The following EFCAB13 variants were observed in gnomAD, a reference collection of about 807,000 sequenced individuals.
EFCAB13 encodes the protein EF-hand calcium-binding domain-containing protein 13.
A neutral mutation model predicts 110.2 loss-of-function variants in EFCAB13; 91 were observed. That is an observed-to-expected ratio of 0.83 (90% CI 0.70 to 0.98). EFCAB13 has a LOEUF of 0.98. Ranked by LOEUF, EFCAB13 falls within the 50% of genes least tolerant of loss-of-function variation. EFCAB13 has a pLI of 0.00. For synonymous variants in EFCAB13, 323 were observed against 369.9 expected, an observed-to-expected ratio of 0.87 and a Z score of 1.45; for missense variants, 968 against 1,119.4, an observed-to-expected ratio of 0.86 and a Z score of 1.93.
chr17:47,325,575 T>C (rs953551122), intron 2 of EFCAB13, among the ~76,000 whole-genome samples: 1 of 152,148 alleles, frequency 6.6e-6, no homozygotes, highest in African/African-American at 2.4e-5. Context: ...TTCAGCCTCC[T>C]GGGGCCTTCC....
intron 23 of EFCAB13, 114 bp from the exon 24 acceptor site, chr17:47,429,704 C>G: frequency 7.6e-7 from 1 of 1,311,012 alleles, no homozygotes; most frequent in Non-Finnish European, 1.0e-6. Flanking sequence ...GTTCCATGTA[C>G]AATTCTAGAA....
intron 12 of EFCAB13, 32 bp downstream of exon 12, chr17:47,374,998 A>G: frequency 6.6e-7 from 1 of 1,523,140 alleles, no homozygotes; most frequent in East Asian, 2.3e-5. Context: ...TGAGTTCTTC[A>G]GTCATCACAG....
chr17:47,376,921 A>G (rs984535765), intron 12 of EFCAB13, among the ~76,000 whole-genome samples: 11 of 152,146 alleles, frequency 7.2e-5, no homozygotes, highest in African/African-American at 2.7e-4. Context: ...TCACAAATAA[A>G]TTCAGGTTAT....
chr17:47,368,767 T>A (rs2065563834), intron 10 of EFCAB13, among the ~76,000 whole-genome samples: 1 of 152,190 alleles, frequency 6.6e-6, no homozygotes, highest in African/African-American at 2.4e-5. Flanking sequence ...ATCTTCTAGT[T>A]CACAAAGAAG....
chr17:47,391,395 G>T (rs1207257740), intron 14 of EFCAB13, 42 bp from the exon 15 acceptor site: 2 of 1,408,620 alleles, frequency 1.4e-6, no homozygotes, highest in Non-Finnish European at 9.3e-7. Context: ...TTTTATTTTT[G>T]ACTTATATTT....
chr17:47,394,139 A>G (rs746051623), intron 16 of EFCAB13, 40 bp downstream of exon 16: 2 of 1,316,740 alleles, frequency 1.5e-6, no homozygotes, highest in South Asian at 3.3e-5. Flanking sequence ...TTGTGGACCA[A>G]ATAGTTTGAC....
intron 17 of EFCAB13, among the ~76,000 whole-genome samples, chr17:47,401,919 C>T (rs556690475): frequency 3.3e-4 from 51 of 152,264 alleles, no homozygotes; most frequent in Non-Finnish European, 5.7e-4. Context: ...GCTGGGATTA[C>T]AGGCGTGAGC....
chr17:47,407,168 T>G (rs2065809287), intron 20 of EFCAB13, among the ~76,000 whole-genome samples: 1 of 152,174 alleles, frequency 6.6e-6, no homozygotes, highest in Admixed American at 6.5e-5. Flanking sequence ...TTTACTGAAA[T>G]GGTGCGCTTA....
At position 47,440,452 on chromosome 17, in the gene EFCAB13, A is replaced by G. The variant is rs781018930; in HGVS notation, c.2660A>G (p.Gln887Arg). 13 of 1,597,418 alleles carry G rather than the reference A, an allele frequency of 8.1e-6. No homozygotes were observed. The African/African-American group carries it at 1.8e-4, about 22-fold the overall frequency. The change falls in exon 25 of 25, where the codon CAA becomes CGA. Residue 887 changes from glutamine (Q) to arginine (R), a missense_variant. Coordinates refer to ENST00000331493, the MANE Select transcript of EFCAB13 (RefSeq NM_152347.5). ...PEHESGKVSIQEFMTKLSDIL... is the reference protein window; with the variant it reads ...PEHESGKVSIREFMTKLSDIL... ...ACAGAAAGTGGCAAGGTTAGCATTC[A>G]AGAATTTATGACTAAATTATCCGAT...
intron 5 of EFCAB13, among the ~76,000 whole-genome samples, chr17:47,336,755 T>A (rs907652069): frequency 1.8e-4 from 28 of 152,236 alleles, no homozygotes; most frequent in African/African-American, 6.7e-4. Flanking sequence ...TTTGAATCTT[T>A]TAGCAGTTCT....
At chr17:47,377,616 CAG>C (rs1210473158) in intron 12 of EFCAB13, 148 bp from the exon 13 acceptor site, 7 of 543,094 alleles carry the variant, frequency 1.3e-5, no homozygotes, top group Admixed American at 3.9e-5. Flanking sequence ...GTAATATAAA[CAG>C]ATATGGAGAG....
chr17:47,389,164 C>T (rs2065692277), intron 14 of EFCAB13, among the ~76,000 whole-genome samples: 1 of 152,154 alleles, frequency 6.6e-6, no homozygotes, highest in African/African-American at 2.4e-5. Context: ...TCCCAAGTAG[C>T]TGGGATCACA....
chr17:47,419,320 G>A (rs1428388725), intron 23 of EFCAB13, among the ~76,000 whole-genome samples: 1 of 152,162 alleles, frequency 6.6e-6, no homozygotes, highest in South Asian at 2.1e-4. Context: ...GGGTGTGGTG[G>A]CTTATGTCTA....
In EFCAB13 at chr17:47,374,600, A is replaced by G. The variant is rs748810870; in HGVS notation, c.1006A>G (p.Lys336Glu). The G allele has an allele frequency of 6.2e-7, 1 of 1,604,068 alleles. No individual in the cohort carries two copies. The highest frequency in any genetic ancestry group is 1.1e-5 in the South Asian group (1 of 87,848). ...SSKLPEPSISKKLNKKSNQYY... is the reference protein window; with the variant it reads ...SSKLPEPSISEKLNKKSNQYY... ...CAAACTCCCTGAACCTTCAATATCCAAAAAGTTAAATAAAAAAAGCAACCA... is the reference window on the plus strand; with the variant it reads ...CAAACTCCCTGAACCTTCAATATCCGAAAAGTTAAATAAAAAAAGCAACCA... The change falls in exon 12 of 25, where the codon AAA (lysine) becomes GAA (glutamate). Residue 336 changes from lysine to glutamate, a missense_variant. Transcript: ENST00000331493.
At position 47,335,376 on chromosome 17, in the gene EFCAB13, C is replaced by CT. The variant is rs1270031017; in HGVS notation, c.191+22dup. 1 of 1,563,586 alleles carries CT rather than the reference C, an allele frequency of 6.4e-7. No homozygotes were observed. Among genetic ancestry groups the CT allele is most frequent in the Admixed American group, 2.0e-5 (1 of 48,814 alleles). On this transcript the variant is annotated intron_variant, in intron 5 of 24. Coordinates refer to ENST00000331493, the MANE Select transcript of EFCAB13 (RefSeq NM_152347.5). ...AAAAATGTAAGTTAAAAACTCTGAA[C>CT]TTACTTTATTGAATTATACTTTTGC...
intron 10 of EFCAB13, among the ~76,000 whole-genome samples, chr17:47,366,507 A>C (rs917637629): frequency 5.3e-5 from 8 of 152,172 alleles, no homozygotes; most frequent in African/African-American, 1.9e-4. Context: ...CTTAATAATT[A>C]GGATCATTTT....
intron 9 of EFCAB13, among the ~76,000 whole-genome samples, chr17:47,356,751 A>G (rs2065482760): frequency 6.6e-6 from 1 of 152,198 alleles, no homozygotes; most frequent in Non-Finnish European, 1.5e-5. Context: ...GGAGATTACA[A>G]GCTTGCCCTA....
At chr17:47,415,465 C>T (rs902712452) in intron 23 of EFCAB13, among the ~76,000 whole-genome samples, 18 of 151,982 alleles carry the variant, frequency 1.2e-4, no homozygotes, top group Admixed American at 4.6e-4. Context: ...TTTCAAGCCA[C>T]TTATGATGTA....
chr17:47,435,339 C>T (rs767847286), intron 24 of EFCAB13, among the ~76,000 whole-genome samples: 11 of 152,050 alleles, frequency 7.2e-5, no homozygotes, highest in Non-Finnish European at 1.5e-4. Flanking sequence ...GAGATACCAC[C>T]TTACTCCTAC....
Sources: allele counts gnomAD v4.1 joint callset (sites outside exome capture counted in the v4.1 genomes callset), GRCh38; gene constraint gnomAD v4.1.1; transcripts MANE v1.5; gene names NCBI Gene and HGNC (gene_info 2026-07-23, HGNC 2026-07-21).